Variants in DYRK1A observed in about 807,000 individuals in gnomAD.
DYRK1A encodes the protein dual specificity tyrosine phosphorylation regulated kinase 1A, also known as dual specificity tyrosine-phosphorylation-regulated kinase 1A.
DYRK1A carries 9 observed loss-of-function variants against 79.7 expected under a neutral mutation model. The ratio of observed to expected loss-of-function variants is 0.11; its 90% CI spans 0.07 to 0.20. The LOEUF (loss-of-function observed/expected upper bound fraction) is 0.20. DYRK1A is among the 10% of genes least tolerant of loss of function. The pLI is 1.00. For missense variants in DYRK1A, 622 were observed against 956.0 expected, an observed-to-expected ratio of 0.65 and a Z score of 4.61; for synonymous variants, 349 against 329.7, an observed-to-expected ratio of 1.06 and a Z score of -0.63.
At chr21:37,413,776 T>C (rs1337909295) in intron 1 of DYRK1A, among the ~76,000 whole-genome samples, 1 of 152,094 alleles carries the variant, frequency 6.6e-6, no homozygotes, top group African/African-American at 2.4e-5. Flanking sequence ...ATAATAGAAA[T>C]TTTGAGTACA....
intron 8 of DYRK1A, among the ~76,000 whole-genome samples, chr21:37,494,288 T>G (rs921316107): frequency 6.6e-6 from 1 of 152,002 alleles, no homozygotes; most frequent in Non-Finnish European, 1.5e-5. Flanking sequence ...CTGTGTAAAT[T>G]AGTATCTTTC....
rs1049773 is a variant in DYRK1A at position 37,480,787 on chromosome 21, C to T, written c.450C>T (p.Tyr150=). 52 of 1,607,820 alleles carry T rather than the reference C, an allele frequency of 3.2e-5. No individual in the cohort carries two copies. Among genetic ancestry groups the T allele is most frequent in the Admixed American group, 1.4e-4 (8 of 58,826 alleles). Residue 150 remains tyrosine, a synonymous_variant, in exon 5 of 12, where the codon TAC becomes TAT. Coordinates refer to ENST00000647188, the MANE Select transcript of DYRK1A (RefSeq NM_001347721.2). ...ACGGAGAAAAGTGGATGGATCGTTA[C>T]GAAATTGACTCCTTGATAGGCAAAG... ...VKNGEKWMDR[Y]EIDSLIGKGS...
chr21:37,377,280 C>T (rs570276133), intron 1 of DYRK1A, among the ~76,000 whole-genome samples: 207 of 152,182 alleles, frequency 1.4e-3, no homozygotes, highest in African/African-American at 4.3e-3. Flanking sequence ...CCACCACGCC[C>T]GGCTAATTTT....
At chr21:37,493,268 A>C (rs2053157544) in intron 8 of DYRK1A, 105 bp downstream of exon 8, 1 of 1,129,742 alleles carries the variant, frequency 8.9e-7, no homozygotes, top group African/African-American at 1.5e-5. Flanking sequence ...ATGTCTACTT[A>C]ATCATTCAAA....
intron 2 of DYRK1A, among the ~76,000 whole-genome samples, chr21:37,458,657 A>T (rs373081447): frequency 2.6e-5 from 4 of 152,164 alleles, no homozygotes; most frequent in Non-Finnish European, 5.9e-5. Flanking sequence ...GGGGACGCCT[A>T]AGTCCTAGCC....
chr21:37,456,415 C>T (rs1472067260), intron 2 of DYRK1A: 1 of 152,184 alleles, frequency 6.6e-6, no homozygotes, highest in Non-Finnish European at 1.5e-5. Flanking sequence ...ATGTGAAGTT[C>T]ATTTTTCCTG....
intron 2 of DYRK1A, among the ~76,000 whole-genome samples, chr21:37,436,827 G>C (rs2050938505): frequency 6.6e-6 from 1 of 152,166 alleles, no homozygotes; most frequent in African/African-American, 2.4e-5. Flanking sequence ...CAACCAGTCA[G>C]AGGGGACCTA....
chr21:37,476,108 A>G (rs16995173), intron 3 of DYRK1A, among the ~76,000 whole-genome samples: 3 of 152,148 alleles, frequency 2.0e-5, no homozygotes, highest in African/African-American at 7.2e-5. Context: ...GGGGTTAGGC[A>G]TGGACATCTT....
chr21:37,417,536 T>TTTTTTTTTC (rs2050376238), intron 1 of DYRK1A, among the ~76,000 whole-genome samples: 1 of 105,094 alleles, frequency 9.5e-6, no homozygotes, highest in African/African-American at 3.4e-5. Context: ...TTTCTTTTTT[T>TTTTTTTTTC]TTTTTTTTTT....
chr21:37,427,414 G>T (rs73218413), intron 2 of DYRK1A, among the ~76,000 whole-genome samples: 1 of 152,126 alleles, frequency 6.6e-6, no homozygotes, highest in Non-Finnish European at 1.5e-5. Context: ...GTGAGTCACC[G>T]TCTTGGCCTT....
rs1183029117 is a variant in DYRK1A at position 37,479,606 on chromosome 21, G to GTTTTTTTTTTT, written c.301-1027_301-1026insTTTTTTTTTTT. Among the ~76,000 whole-genome samples, 139 of 27,578 alleles carry GTTTTTTTTTTT rather than the reference G, an allele frequency of 5.0e-3. 23 individuals carry two copies. The highest frequency in any genetic ancestry group is 0.022 in the East Asian group (19 of 880). 18.1% of individuals were successfully genotyped at this position (27,578 alleles called of 152,430 possible). On this transcript the variant is annotated intron_variant, in intron 4 of 11. Transcript: ENST00000647188. ...GTGTTGGTGTTTTGTTTTTGTTTTT[G>GTTTTTTTTTTT]TTTTTGTTTTTTGTTTTTTTTTTTT...
chr21:37,439,232 T>C (rs1389998575), intron 2 of DYRK1A, among the ~76,000 whole-genome samples: 1 of 152,216 alleles, frequency 6.6e-6, no homozygotes, highest in Non-Finnish European at 1.5e-5. Flanking sequence ...TTTCCTATGA[T>C]GAGAGACAAT....
At chr21:37,497,368 G>A (rs907446490) in intron 9 of DYRK1A, among the ~76,000 whole-genome samples, 1 of 152,116 alleles carries the variant, frequency 6.6e-6, no homozygotes, top group Non-Finnish European at 1.5e-5. Context: ...GTTTCCAGCT[G>A]CTAAATTATG....
chr21:37,497,309 T>A (rs1038499559), intron 9 of DYRK1A, among the ~76,000 whole-genome samples: 2 of 152,156 alleles, frequency 1.3e-5, no homozygotes, highest in Non-Finnish European at 2.9e-5. Flanking sequence ...CAAAACTGAT[T>A]TGTAAGTTCT....
chr21:37,384,250 A>C (rs1194445924), intron 1 of DYRK1A, among the ~76,000 whole-genome samples: 1 of 152,208 alleles, frequency 6.6e-6, no homozygotes, highest in Non-Finnish European at 1.5e-5. Flanking sequence ...GTTCTTATAC[A>C]TCTACTTAGT....
chr21:37,393,545 T>C (rs1459271640), intron 1 of DYRK1A, among the ~76,000 whole-genome samples: 3 of 152,210 alleles, frequency 2.0e-5, no homozygotes, highest in Non-Finnish European at 2.9e-5. Flanking sequence ...ACAAGCCTCT[T>C]TTCAAATCAG....
At chr21:37,382,769 C>G (rs541155952) in intron 1 of DYRK1A, among the ~76,000 whole-genome samples, 1 of 152,156 alleles carries the variant, frequency 6.6e-6, no homozygotes, top group Admixed American at 6.5e-5. Flanking sequence ...TTTAATATAC[C>G]TAGAAAGTGA....
rs1295915861 is a variant in DYRK1A, at chr21:37,519,784, C to T, written c.*7253C>T. Reference sequence around the variant, plus strand: ...TGAGGCGGAGTCTCGCTCTGTCGCCCAGGCTGGAGTGCAGTGGCGCGATCT... The same window carrying T: ...TGAGGCGGAGTCTCGCTCTGTCGCCTAGGCTGGAGTGCAGTGGCGCGATCT... On this transcript the variant is annotated 3_prime_UTR_variant, in exon 12 of 12. Coordinates refer to ENST00000647188, the MANE Select transcript of DYRK1A (RefSeq NM_001347721.2). 23 of 76,050 alleles carry T rather than the reference C, an allele frequency of 3.0e-4. No homozygotes were observed. The highest frequency in any genetic ancestry group is 8.5e-4 in the Admixed American group (7 of 8,222). 4.7% of individuals were successfully genotyped at this position (76,050 alleles called of 1,614,324 possible). A position where few individuals can be genotyped will look rare whatever the true frequency, so the allele number is the denominator to read the frequency against.
At chr21:37,415,324 A>G (rs1279987931) in intron 1 of DYRK1A, among the ~76,000 whole-genome samples, 2 of 152,132 alleles carry the variant, frequency 1.3e-5, no homozygotes, top group African/African-American at 2.4e-5. Context: ...TCCACTTCCA[A>G]AATGCCATTG....
Sources: gnomAD v4.1 joint callset for allele counts (sites outside exome capture counted in the v4.1 genomes callset) on GRCh38, gnomAD v4.1.1 for gene constraint, MANE v1.5 for transcripts, NCBI Gene and HGNC (gene_info 2026-07-23, HGNC 2026-07-21) for gene names.